The following CCM2 variants were observed in gnomAD, a reference collection of about 807,000 sequenced individuals.
CCM2 encodes cerebral cavernous malformations 2 protein.
CCM2 carries 25 observed loss-of-function variants against 44.9 expected under a neutral mutation model. The observed-to-expected ratio is 0.56, with a 90% CI of 0.41 to 0.78. The LOEUF (loss-of-function observed/expected upper bound fraction) is 0.78, where lower values mean the gene tolerates loss of function less well. Ranked by LOEUF, CCM2 falls within the 30% of genes least tolerant of loss-of-function variation. CCM2 has a pLI of 0.00. For missense variants in CCM2, 481 were observed against 580.6 expected, an observed-to-expected ratio of 0.83 and a Z score of 1.76; for synonymous variants, 219 against 241.1, an observed-to-expected ratio of 0.91 and a Z score of 0.85.
intron 1 of CCM2, among the ~76,000 whole-genome samples, chr7:45,029,138 G>C (rs1796836972): frequency 6.6e-6 from 1 of 152,106 alleles, no homozygotes; most frequent in African/African-American, 2.4e-5. Flanking sequence ...CGGTTTGTCT[G>C]TCTCCCTCTT....
At chr7:45,065,366 G>T (rs1344727217) in intron 4 of CCM2, among the ~76,000 whole-genome samples, 3 of 152,244 alleles carry the variant, frequency 2.0e-5, no homozygotes, top group Non-Finnish European at 2.9e-5. Flanking sequence ...TGGTGTTGCA[G>T]TGGGGACAGT....
intron 1 of CCM2, among the ~76,000 whole-genome samples, chr7:45,001,236 T>G (rs187337200): frequency 6.6e-6 from 1 of 152,332 alleles, no homozygotes; most frequent in African/African-American, 2.4e-5. Flanking sequence ...CATTTAAAAG[T>G]CCTGTTTGAA....
At position 45,038,437 on chromosome 7, in the gene CCM2, A is replaced by G. The variant is rs922721845; in HGVS notation, c.204+11A>G. 26 of 1,613,616 alleles carry G rather than the reference A, an allele frequency of 1.6e-5. 1 individual carries two copies. In the East Asian group the frequency reaches 2.7e-4, roughly 17 times the overall value. On this transcript the variant is annotated intron_variant, in intron 2 of 9. Transcript: ENST00000258781. ...GAGAAGGAGGTAAAGGTAAGTCGTC[A>G]TGGGCCACAGGACGTGCCTGCCAAA... is the stretch of plus-strand genomic sequence containing the variant.
intron 2 of CCM2, among the ~76,000 whole-genome samples, chr7:45,062,209 A>C (rs2128746279): frequency 6.6e-6 from 1 of 152,304 alleles, no homozygotes; most frequent in African/African-American, 2.4e-5. Flanking sequence ...GGAAATTGGA[A>C]AGTCCCATTT....
In CCM2 at chr7:45,009,523, G is replaced by A. The variant is rs147319933; in HGVS notation, c.30+9160G>A. On this transcript the variant is annotated intron_variant, in intron 1 of 9. Transcript: ENST00000258781. ...TTGTTCAAGCGATTCTCCTGCCTCA[G>A]CCTCCCCAGCAGCTGGGATTACAGG... Among the ~76,000 whole-genome samples, 190 of 147,556 alleles carry A rather than the reference G, an allele frequency of 1.3e-3. 2 individuals are homozygous for A. In the East Asian group the frequency reaches 0.038, roughly 30 times the overall value.
In CCM2 at chr7:45,068,519, G is replaced by T; in HGVS notation, c.549G>T (p.Ser183=). 1 of 1,614,156 alleles carries T rather than the reference G, an allele frequency of 6.2e-7. No individual in the cohort carries two copies. Among genetic ancestry groups the T allele is most frequent in the Non-Finnish European group, 8.5e-7 (1 of 1,180,028 alleles). ...GAGGCCTCAGTGCAGGCTCCCTGTC[G>T]GAGAGTGCAGTTGGGCCCGTGGAGG... ...SSRGLSAGSL[S]ESAVGPVEAC... The change falls in exon 5 of 10, where the codon TCG becomes TCT. Residue 183 remains serine, a synonymous_variant. Transcript: ENST00000258781.
chr7:45,008,343 A>G (rs1168885776), intron 1 of CCM2, among the ~76,000 whole-genome samples: 1 of 147,898 alleles, frequency 6.8e-6, no homozygotes, highest in Non-Finnish European at 1.5e-5. Context: ...GTGCCTGGCC[A>G]AGGGTACATG....
intron 2 of CCM2, among the ~76,000 whole-genome samples, chr7:45,052,223 T>A (rs868073871): frequency 3.9e-5 from 6 of 152,264 alleles, no homozygotes; most frequent in Middle Eastern, 3.4e-3. Flanking sequence ...TATTGCAGGA[T>A]CAAAGGAGTT....
At chr7:45,027,582 A>AC in intron 1 of CCM2, 1 of 1,584,682 alleles carries the variant, frequency 6.3e-7, no homozygotes, top group South Asian at 1.1e-5. Context: ...AAAATTGTAA[A>AC]CAGCTTCAGT....
intron 1 of CCM2, among the ~76,000 whole-genome samples, chr7:45,037,418 CTTTTTTT>C (rs11424221): frequency 8.9e-6 from 1 of 112,096 alleles, no homozygotes; most frequent in Non-Finnish European, 1.7e-5. Context: ...TCTCCCCCTA[CTTTTTTT>C]TTTTTTTTTT....
At position 45,037,418 on chromosome 7, in the gene CCM2, C is replaced by CTTTT. The variant is rs11424221; in HGVS notation, c.31-818_31-815dup. 5.5e-3 allele frequency among the ~76,000 whole-genome samples: 616 copies of CTTTT among 112,012 alleles called. 31 individuals carry two copies. Among genetic ancestry groups the CTTTT allele is most frequent in the Non-Finnish European group, 7.4e-3 (435 of 58,548 alleles). 73.5% of individuals were successfully genotyped at this position (112,012 alleles called of 152,430 possible). On this transcript the variant is annotated intron_variant, in intron 1 of 9. Transcript: ENST00000258781. ...CTGCTGATCAGGGCTTCTCCCCCTA[C>CTTTT]TTTTTTTTTTTTTTTTTTTTGAGAC...
At chr7:45,054,026 A>T (rs1177686216) in intron 2 of CCM2, among the ~76,000 whole-genome samples, 2 of 152,110 alleles carry the variant, frequency 1.3e-5, no homozygotes, top group African/African-American at 4.8e-5. Context: ...GTGTTATAGT[A>T]CATGCCGTAG....
chr7:45,012,331 G>T (rs898464305), intron 1 of CCM2, among the ~76,000 whole-genome samples: 3 of 150,528 alleles, frequency 2.0e-5, no homozygotes, highest in Non-Finnish European at 4.4e-5. Flanking sequence ...ACGGGGTTTT[G>T]CCATGTTAGC....
intron 1 of CCM2, among the ~76,000 whole-genome samples, chr7:45,023,296 T>C (rs568065885): frequency 6.6e-6 from 1 of 152,000 alleles, no homozygotes; most frequent in South Asian, 2.1e-4. Context: ...ACACCTGTAA[T>C]CCCAGCACTT....
At chr7:45,013,499 C>T (rs556366203) in intron 1 of CCM2, among the ~76,000 whole-genome samples, 224 of 152,140 alleles carry the variant, frequency 1.5e-3, no homozygotes, top group African/African-American at 5.1e-3. Context: ...ACATAATGCC[C>T]CATGACCCTT....
At chr7:45,012,894 A>G (rs1796122465) in intron 1 of CCM2, among the ~76,000 whole-genome samples, 1 of 151,984 alleles carries the variant, frequency 6.6e-6, no homozygotes. Context: ...GTCTTTCAAC[A>G]AGTCTGGAGT....
chr7:45,024,019 C>T (rs1796591930), intron 1 of CCM2, among the ~76,000 whole-genome samples: 1 of 152,012 alleles, frequency 6.6e-6, no homozygotes, highest in South Asian at 2.1e-4. Flanking sequence ...CCATGCTGGT[C>T]AGGCTGGTCT....
chr7:45,048,023 T>C (rs1412309948), intron 2 of CCM2, among the ~76,000 whole-genome samples: 1 of 152,150 alleles, frequency 6.6e-6, no homozygotes, highest in African/African-American at 2.4e-5. Context: ...ATCTAAGTTG[T>C]AAGAAAAGAG....
chr7:45,053,580 T>C (rs576849871), intron 2 of CCM2, among the ~76,000 whole-genome samples: 8 of 152,272 alleles, frequency 5.3e-5, no homozygotes. Flanking sequence ...TATTACCAGC[T>C]GACACCTACA....
Sources: allele counts gnomAD v4.1 joint callset (sites outside exome capture counted in the v4.1 genomes callset), GRCh38; gene constraint gnomAD v4.1.1; transcripts MANE v1.5; gene names NCBI Gene and HGNC (gene_info 2026-07-23, HGNC 2026-07-21).